The following CACNA2D3 variants were observed in gnomAD, a reference collection of about 807,000 sequenced individuals.
CACNA2D3 encodes the protein voltage-dependent calcium channel subunit alpha-2/delta-3.
CACNA2D3 carries 60 observed loss-of-function variants against 160.6 expected under a neutral mutation model. That is an observed-to-expected ratio of 0.37 (90% CI 0.30 to 0.46). The LOEUF (loss-of-function observed/expected upper bound fraction) is 0.46, where lower values mean the gene tolerates loss of function less well. Among genes scored for constraint, CACNA2D3 ranks in the 20% least tolerant of loss-of-function variants. The pLI, the probability that CACNA2D3 is intolerant of heterozygous loss-of-function variation, is 1.00. For missense variants in CACNA2D3, 1,205 were observed against 1,365.0 expected (o/e 0.88, Z 1.85); for synonymous variants, 558 against 492.9 (o/e 1.13, Z -1.75).
chr3:54,553,387 A>T (rs555599432), intron 5 of CACNA2D3, among the ~76,000 whole-genome samples: 1 of 152,234 alleles, frequency 6.6e-6, no homozygotes, highest in Admixed American at 6.5e-5. Flanking sequence ...CACACGGCAC[A>T]GAAGAAAACT....
chr3:54,518,541 G>T (rs1020013717), intron 5 of CACNA2D3, among the ~76,000 whole-genome samples: 1 of 152,138 alleles, frequency 6.6e-6, no homozygotes, highest in African/African-American at 2.4e-5. Context: ...CCAGCTGTAG[G>T]CTCCTCTTGG....
At chr3:54,749,360 T>G (rs1224456770) in intron 11 of CACNA2D3, among the ~76,000 whole-genome samples, 3 of 152,222 alleles carry the variant, frequency 2.0e-5, no homozygotes, top group Non-Finnish European at 2.9e-5. Context: ...GTTTTTGACC[T>G]TTACAAGTAA....
intron 5 of CACNA2D3, among the ~76,000 whole-genome samples, chr3:54,514,644 A>G (rs1187544051): frequency 2.0e-5 from 3 of 152,112 alleles, no homozygotes; most frequent in Non-Finnish European, 4.4e-5. Flanking sequence ...GGGTTGTGGT[A>G]CAGTAAGAGT....
chr3:54,383,205 A>G (rs1331934148), intron 3 of CACNA2D3, among the ~76,000 whole-genome samples: 1 of 152,184 alleles, frequency 6.6e-6, no homozygotes, highest in African/African-American at 2.4e-5. Flanking sequence ...GTTTACCTTT[A>G]TAAGAGTACT....
intron 35 of CACNA2D3, among the ~76,000 whole-genome samples, chr3:55,043,775 T>A (rs548525624): frequency 1.3e-5 from 2 of 152,342 alleles, no homozygotes; most frequent in South Asian, 4.1e-4. Context: ...TCGTCAGCTT[T>A]ACATTTAGGT....
At position 54,764,585 on chromosome 3, in the gene CACNA2D3, G is replaced by A. The variant is rs7615562; in HGVS notation, c.1380+234G>A. Among the ~76,000 whole-genome samples the A allele has an allele frequency of 8.5e-3, 1,288 of 152,230 alleles. 19 individuals are homozygous for A. Among genetic ancestry groups the A allele is most frequent in the African/African-American group, 0.029 (1,194 of 41,544 alleles). The stretch of plus-strand genomic sequence containing the variant: ...AGCTGGTCTGCACAAAAGAAATCAC[G>A]TTTTGCTTGTCTTTTCTCGTTACTT... On this transcript the variant is annotated intron_variant, in intron 13 of 37. Transcript: ENST00000474759.
At chr3:54,262,982 C>T (rs867968830) in intron 2 of CACNA2D3, among the ~76,000 whole-genome samples, 12 of 151,992 alleles carry the variant, frequency 7.9e-5, no homozygotes, top group African/African-American at 1.2e-4. Context: ...TTGTTGATTC[C>T]CCTCCACCCC....
At chr3:54,687,145 T>TTTTTTTTG (rs1559549506) in intron 11 of CACNA2D3, among the ~76,000 whole-genome samples, 2 of 74,614 alleles carry the variant, frequency 2.7e-5, no homozygotes, top group Admixed American at 1.1e-4. Context: ...GTTTTTTTTT[T>TTTTTTTTG]TTTTTGTTTT....
chr3:55,053,122 T>G (rs1413030166), intron 35 of CACNA2D3, among the ~76,000 whole-genome samples: 3 of 152,180 alleles, frequency 2.0e-5, no homozygotes, highest in Admixed American at 6.5e-5. Flanking sequence ...TAAAAATTTG[T>G]TTCTTCCTCT....
chr3:54,843,359 G>A (rs936872348), intron 16 of CACNA2D3, among the ~76,000 whole-genome samples: 1 of 152,228 alleles, frequency 6.6e-6, no homozygotes, highest in Non-Finnish European at 1.5e-5. Context: ...CAAGAGATGA[G>A]CTGAGGCTGA....
chr3:55,008,888 T>TACACACACACACACACACACACACAC lies in CACNA2D3; in HGVS notation c.2820-488_2820-463dup, dbSNP rs4024588. Among the ~76,000 whole-genome samples the TACACACACACACACACACACACACAC allele has an allele frequency of 1.5e-3, 210 of 142,980 alleles. 1 individual carries two copies. The highest frequency in any genetic ancestry group is 3.6e-3 in the Middle Eastern group (1 of 276). The allele number at this position is 142,980 out of a possible 152,430, so 93.8% of individuals were successfully genotyped here. On this transcript the variant is annotated intron_variant, in intron 33 of 37. Transcript: ENST00000474759. ...GAGAAGTCTGTTCCACCTCCCTCTA[T>TACACACACACACACACACACACACAC]ACACACACACACACACACACACACA...
chr3:54,746,144 T>C (rs1379894958), intron 11 of CACNA2D3, among the ~76,000 whole-genome samples: 2 of 152,232 alleles, frequency 1.3e-5, no homozygotes, highest in Non-Finnish European at 2.9e-5. Flanking sequence ...AGCCCATCTC[T>C]ACTCTTGTAG....
intron 5 of CACNA2D3, among the ~76,000 whole-genome samples, chr3:54,532,016 C>A (rs1225950971): frequency 6.6e-6 from 1 of 152,176 alleles, no homozygotes; most frequent in East Asian, 1.9e-4. Context: ...ACCTCATTTT[C>A]CATCACTTGC....
chr3:54,556,657 T>C (rs1448543195), intron 5 of CACNA2D3, among the ~76,000 whole-genome samples: 1 of 152,162 alleles, frequency 6.6e-6, no homozygotes, highest in African/African-American at 2.4e-5. Flanking sequence ...ATCTGAGGCC[T>C]AAAGAACCGC....
chr3:54,493,060 C>CTTTTTTTTTTTTTTTTTTTTTTTTTT (rs34225864), intron 4 of CACNA2D3, among the ~76,000 whole-genome samples: 1 of 58,770 alleles, frequency 1.7e-5, no homozygotes, highest in African/African-American at 7.7e-5. Context: ...TTGCTCAAAA[C>CTTTTTTTTTTTTTTTTTTTTTTTTTT]TTTTTTTTTT....
chr3:54,962,448 A>G (rs915422162), intron 27 of CACNA2D3, among the ~76,000 whole-genome samples: 5 of 152,220 alleles, frequency 3.3e-5, no homozygotes, highest in African/African-American at 1.2e-4. Context: ...ATAAGAATAA[A>G]GAATAAAAGC....
chr3:54,665,557 A>C (rs1454323801), intron 11 of CACNA2D3, among the ~76,000 whole-genome samples: 1 of 151,904 alleles, frequency 6.6e-6, no homozygotes, highest in Non-Finnish European at 1.5e-5. Context: ...ACTACTGTGT[A>C]AATGACCACA....
intron 2 of CACNA2D3, among the ~76,000 whole-genome samples, chr3:54,154,214 GT>G (rs1299291097): frequency 1.3e-5 from 2 of 152,056 alleles, no homozygotes; most frequent in African/African-American, 2.4e-5. Context: ...TATGTATCAA[GT>G]TTTTTTAAAA....
chr3:54,865,247 G>A (rs1171096482), intron 17 of CACNA2D3, among the ~76,000 whole-genome samples: 10 of 152,160 alleles, frequency 6.6e-5, no homozygotes, highest in Admixed American at 1.3e-4. Flanking sequence ...CCGGTGTGGT[G>A]TTAGTAAGGG....
Sources: allele counts gnomAD v4.1 joint callset (sites outside exome capture counted in the v4.1 genomes callset), GRCh38; gene constraint gnomAD v4.1.1; transcripts MANE v1.5; gene names NCBI Gene and HGNC (gene_info 2026-07-23, HGNC 2026-07-21).